The following PLPP1 variants were observed in gnomAD, a reference collection of about 807,000 sequenced individuals.
PLPP1 encodes the protein lipid phosphate phosphohydrolase 1a.
In PLPP1, 24 loss-of-function variants were observed where a neutral mutation model predicts 31.2. The observed-to-expected ratio is 0.77, with a 90% CI of 0.56 to 1.08. The LOEUF (loss-of-function observed/expected upper bound fraction) is 1.08. Among genes scored for constraint, PLPP1 ranks in the 50% least tolerant of loss-of-function variants. The pLI, the probability that PLPP1 is intolerant of heterozygous loss-of-function variation, is 0.00. For synonymous variants in PLPP1, 146 were observed against 126.3 expected, an observed-to-expected ratio of 1.16 and a Z score of -1.05; for missense variants, 319 against 342.7, an observed-to-expected ratio of 0.93 and a Z score of 0.55.
At chr5:55,464,983 CTATTCT>C (rs1381888379) in intron 3 of PLPP1, among the ~76,000 whole-genome samples, 1 of 151,438 alleles carries the variant, frequency 6.6e-6, no homozygotes, top group African/African-American at 2.4e-5. Flanking sequence ...CGACTAGTAT[CTATTCT>C]ATTTTTTTCC....
chr5:55,502,265 G>A (rs1309614327), intron 1 of PLPP1, among the ~76,000 whole-genome samples: 1 of 152,198 alleles, frequency 6.6e-6, no homozygotes, highest in Non-Finnish European at 1.5e-5. Context: ...GAAGCAGGCA[G>A]ATCACGAGGT....
chr5:55,495,760 T>A (rs1214602050), intron 1 of PLPP1, among the ~76,000 whole-genome samples: 1 of 152,106 alleles, frequency 6.6e-6, no homozygotes, highest in Non-Finnish European at 1.5e-5. Flanking sequence ...CACAGAGGAA[T>A]GTCCATCCCT....
intron 4 of PLPP1, among the ~76,000 whole-genome samples, chr5:55,433,408 T>C (rs1751411384): frequency 1.2e-5 from 1 of 85,784 alleles, no homozygotes; most frequent in Non-Finnish European, 2.6e-5. Context: ...AATATGATCT[T>C]ATATGTAGAA....
intron 3 of PLPP1, among the ~76,000 whole-genome samples, chr5:55,447,442 G>C (rs1349164141): frequency 6.6e-6 from 1 of 152,156 alleles, no homozygotes; most frequent in South Asian, 2.1e-4. Flanking sequence ...AAGGCAGAAA[G>C]GTTGTTTAAA....
intron 1 of PLPP1, among the ~76,000 whole-genome samples, chr5:55,478,636 C>G (rs1434540736): frequency 1.3e-5 from 2 of 151,970 alleles, no homozygotes; most frequent in Admixed American, 6.6e-5. Context: ...AGAGCAACAG[C>G]AGAGGAAGAT....
At chr5:55,477,462 C>T (rs1294814205) in intron 1 of PLPP1, among the ~76,000 whole-genome samples, 3 of 146,900 alleles carry the variant, frequency 2.0e-5, no homozygotes, top group African/African-American at 7.6e-5. Context: ...GACACAGTCT[C>T]GGCTCACTGC....
chr5:55,465,224 T>C (rs1752262504), intron 3 of PLPP1, among the ~76,000 whole-genome samples: 1 of 152,034 alleles, frequency 6.6e-6, no homozygotes, highest in African/African-American at 2.4e-5. Context: ...TTTGTATTTT[T>C]AGTAGAGACA....
chr5:55,432,142 C>G (rs1010212501), intron 4 of PLPP1, among the ~76,000 whole-genome samples: 31 of 144,274 alleles, frequency 2.1e-4, no homozygotes, highest in African/African-American at 8.2e-4. Context: ...CAGGGTCTTG[C>G]TATGTTGCCC....
intron 1 of PLPP1, among the ~76,000 whole-genome samples, chr5:55,512,723 T>TACACACACACACACAC (rs71600885): frequency 5.1e-4 from 22 of 43,208 alleles, no homozygotes; most frequent in African/African-American, 9.6e-4. Flanking sequence ...CATTATAAAC[T>TACACACACACACACAC]ACACACACAC....
chr5:55,428,140 C>T (rs1751257041), intron 4 of PLPP1, among the ~76,000 whole-genome samples: 1 of 152,194 alleles, frequency 6.6e-6, no homozygotes, highest in South Asian at 2.1e-4. Context: ...TGTTTTTCTC[C>T]TTACACATCT....
At chr5:55,468,431 C>A in intron 2 of PLPP1, 1 of 273,802 alleles carries the variant, frequency 3.7e-6, no homozygotes. Flanking sequence ...TTTTTTTTTT[C>A]TTGTATTCAA....
intron 4 of PLPP1, among the ~76,000 whole-genome samples, chr5:55,440,371 C>T (rs747107632): frequency 1.3e-5 from 2 of 152,166 alleles, no homozygotes; most frequent in Non-Finnish European, 2.9e-5. Flanking sequence ...CTCAGCCTTC[C>T]GGGTCTGCCC....
intron 1 of PLPP1, among the ~76,000 whole-genome samples, chr5:55,508,190 C>T (rs1327795815): frequency 2.0e-5 from 3 of 152,086 alleles, no homozygotes; most frequent in Non-Finnish European, 4.4e-5. Context: ...ATGCCCAGTT[C>T]GCATGACCTC....
At chr5:55,500,225 G>A (rs978257744) in intron 1 of PLPP1, among the ~76,000 whole-genome samples, 17 of 151,716 alleles carry the variant, frequency 1.1e-4, no homozygotes, top group Non-Finnish European at 2.4e-4. Flanking sequence ...GACTACAGGC[G>A]CCCGCCACCA....
At chr5:55,455,848 C>T (rs1188885613) in intron 3 of PLPP1, among the ~76,000 whole-genome samples, 1 of 152,150 alleles carries the variant, frequency 6.6e-6, no homozygotes, top group Admixed American at 6.5e-5. Context: ...TAAATCTTCT[C>T]AATCAGGCAC....
intron 3 of PLPP1, among the ~76,000 whole-genome samples, chr5:55,442,509 G>T (rs375653209): frequency 1.9e-4 from 29 of 151,962 alleles, no homozygotes; most frequent in Non-Finnish European, 3.5e-4. Context: ...AAAATTAGCC[G>T]GGCGTGGTGG....
intron 4 of PLPP1, among the ~76,000 whole-genome samples, chr5:55,437,939 G>T (rs1467833234): frequency 6.6e-6 from 1 of 152,220 alleles, no homozygotes; most frequent in Non-Finnish European, 1.5e-5. Flanking sequence ...GAATCTTAAG[G>T]AAAGTGGATA....
chr5:55,530,809 G>GGCGTTTTGAGCACCTCCTGACA, intron 1 of PLPP1: 2 of 1,395,052 alleles, frequency 1.4e-6, no homozygotes, highest in Non-Finnish European at 2.0e-6. Context: ...GGTCCGCACG[G>GGCGTTTTGAGCACCTCCTGACA]GCGTTTTGAG....
chr5:55,534,559 G>A lies in PLPP1; in HGVS notation c.58+13C>T. 1 of 1,530,812 alleles carries A rather than the reference G, an allele frequency of 6.5e-7. No individual in the cohort carries two copies. Among genetic ancestry groups the A allele is most frequent in the Non-Finnish European group, 8.8e-7 (1 of 1,140,752 alleles). 94.8% of individuals were successfully genotyped at this position (1,530,812 alleles called of 1,614,324 possible). A position where few individuals can be genotyped will look rare whatever the true frequency, so the allele number is the denominator to read the frequency against. ...GCCGCACACGCCCCTCGGACCCGGC[G>A]GCGCGTACGTACCCAGCAACACGCA... On this transcript the variant is annotated intron_variant, in intron 1 of 5. Coordinates refer to ENST00000307259, the MANE Select transcript of PLPP1 (RefSeq NM_003711.4).
Sources: allele counts gnomAD v4.1 joint callset (sites outside exome capture counted in the v4.1 genomes callset), GRCh38; gene constraint gnomAD v4.1.1; transcripts MANE v1.5; gene names NCBI Gene and HGNC (gene_info 2026-07-23, HGNC 2026-07-21).